Variants in STK24 observed in about 807,000 individuals in gnomAD.
STK24 encodes serine/threonine kinase 24, also known as serine/threonine-protein kinase 24.
Under a neutral mutation model 55.6 loss-of-function variants are expected in STK24, and 21 were observed. The ratio of observed to expected loss-of-function variants is 0.38; its 90% CI spans 0.27 to 0.54. STK24 has a LOEUF of 0.54. Among genes scored for constraint, STK24 ranks in the 20% least tolerant of loss-of-function variants. STK24 has a pLI of 0.79. For missense variants in STK24, 383 were observed against 538.4 expected, an observed-to-expected ratio of 0.71 and a Z score of 2.86; for synonymous variants, 200 against 215.2, an observed-to-expected ratio of 0.93 and a Z score of 0.62.
At chr13:98,496,879 C>G (rs924887036) in intron 2 of STK24, among the ~76,000 whole-genome samples, 1 of 152,154 alleles carries the variant, frequency 6.6e-6, no homozygotes, top group Non-Finnish European at 1.5e-5. Flanking sequence ...AAATCACCAG[C>G]CAAAAACCTA....
intron 2 of STK24, among the ~76,000 whole-genome samples, chr13:98,487,701 AT>A (rs1186574492): frequency 6.6e-6 from 1 of 152,152 alleles, no homozygotes; most frequent in African/African-American, 2.4e-5. Context: ...GGACTTCCTC[AT>A]TTTTTTAACC....
chr13:98,524,488 C>T (rs61969457), intron 1 of STK24, among the ~76,000 whole-genome samples: 26,530 of 152,148 alleles, frequency 0.17, 2,599 homozygotes, highest in Non-Finnish European at 0.22. Context: ...GGGCGAGACA[C>T]GCAGCCTTCC....
chr13:98,472,985 G>A (rs182190214), intron 5 of STK24, among the ~76,000 whole-genome samples: 140 of 151,926 alleles, frequency 9.2e-4, no homozygotes, highest in Middle Eastern at 6.8e-3. Context: ...CTTCTGCCCC[G>A]CCACTCTCTA....
chr13:98,565,586 C>T (rs1294468320), intron 1 of STK24, among the ~76,000 whole-genome samples: 1 of 148,014 alleles, frequency 6.8e-6, no homozygotes, highest in African/African-American at 2.5e-5. Flanking sequence ...GAGCCGAGAT[C>T]GTGCCATTGC....
In STK24 at chr13:98,542,822, C is replaced by A. The variant is rs1391073420; in HGVS notation, c.43-23349G>T. On this transcript the variant is annotated intron_variant, in intron 1 of 10. Coordinates refer to ENST00000539966, the MANE Select transcript of STK24 (RefSeq NM_001032296.4). The stretch of plus-strand genomic sequence containing the variant: ...TTTTACTCTACTTTCTCCATCTACA[C>A]GTCCAAGTACCAACGCTTACCCTGT... 6 of 984,886 alleles carry A rather than the reference C, an allele frequency of 6.1e-6. No individual in the cohort carries two copies. The South Asian group carries it at 2.3e-4, about 39-fold the overall frequency. The allele number at this position is 984,886 out of a possible 1,614,324, so 61.0% of individuals were successfully genotyped here.
chr13:98,506,050 C>A (rs1895668846), intron 2 of STK24, among the ~76,000 whole-genome samples: 1 of 152,198 alleles, frequency 6.6e-6, no homozygotes, highest in South Asian at 2.1e-4. Flanking sequence ...AGCTTACCTA[C>A]AAATTAATTT....
rs533854731 is a variant in STK24 at position 98,489,218 on chromosome 13, G to A, written c.274-6897C>T. Among the ~76,000 whole-genome samples, 5 of 152,306 alleles carry A rather than the reference G, an allele frequency of 3.3e-5. No homozygotes were observed. In the South Asian group the frequency reaches 8.3e-4, roughly 25 times the overall value. ...GCTTCGATGATGATGAAGTGAGGCCGTGTACACAGCAAGACTCATCAACTT... is the reference window on the plus strand; with the variant it reads ...GCTTCGATGATGATGAAGTGAGGCCATGTACACAGCAAGACTCATCAACTT... On this transcript the variant is annotated intron_variant, in intron 2 of 10. Coordinates refer to ENST00000539966, the MANE Select transcript of STK24 (RefSeq NM_001032296.4).
At chr13:98,536,766 G>A (rs1566393026) in intron 1 of STK24, among the ~76,000 whole-genome samples, 1 of 152,068 alleles carries the variant, frequency 6.6e-6, no homozygotes, top group Admixed American at 6.5e-5. Context: ...TGACCTCTCA[G>A]AACGATCTTC....
intron 1 of STK24, among the ~76,000 whole-genome samples, chr13:98,568,031 G>C (rs1161838424): frequency 6.7e-6 from 1 of 150,266 alleles, no homozygotes. Flanking sequence ...GCACAGTCTC[G>C]CTCTGTCGCC....
chr13:98,543,884 C>T (rs1358315895), intron 1 of STK24, among the ~76,000 whole-genome samples: 2 of 152,182 alleles, frequency 1.3e-5, no homozygotes, highest in Admixed American at 6.5e-5. Context: ...ACATGCTATA[C>T]AAAAGAAACT....
chr13:98,503,024 G>GTTTTTTTTTTTTTTTTTTT lies in STK24; in HGVS notation c.273+16218_273+16219insAAAAAAAAAAAAAAAAAAA, dbSNP rs398038978. On this transcript the variant is annotated intron_variant, in intron 2 of 10. Transcript: ENST00000539966. Reference sequence around the variant, plus strand: ...AATATATTAGAAATACTTTCCATGTGTTTTTTTTTTTTTTTTTCAGTATGG... The same window carrying GTTTTTTTTTTTTTTTTTTT: ...AATATATTAGAAATACTTTCCATGTGTTTTTTTTTTTTTTTTTTTTTTTTTTTTTTTTTTTTCAGTATGG... Among the ~76,000 whole-genome samples, 83 of 107,044 alleles carry GTTTTTTTTTTTTTTTTTTT rather than the reference G, an allele frequency of 7.8e-4. 11 individuals are homozygous for GTTTTTTTTTTTTTTTTTTT. Among genetic ancestry groups the GTTTTTTTTTTTTTTTTTTT allele is most frequent in the African/African-American group, 3.0e-3 (76 of 25,016 alleles). The allele number at this position is 107,044 out of a possible 152,430, so 70.2% of individuals were successfully genotyped here.
At chr13:98,567,947 G>C (rs558594256) in intron 1 of STK24, among the ~76,000 whole-genome samples, 3 of 149,994 alleles carry the variant, frequency 2.0e-5, no homozygotes, top group African/African-American at 2.4e-5. Context: ...AAAAAAAGGG[G>C]GGGGGTGGGG....
intron 1 of STK24, among the ~76,000 whole-genome samples, chr13:98,525,679 C>T (rs370700566): frequency 1.3e-5 from 2 of 152,274 alleles, no homozygotes; most frequent in African/African-American, 4.8e-5. Flanking sequence ...TTCCCCTTCC[C>T]GAGCTCACCG....
chr13:98,542,887 T>C, intron 1 of STK24: 1 of 985,376 alleles, frequency 1.0e-6, no homozygotes, highest in Non-Finnish European at 1.2e-6. Flanking sequence ...ACCCCCTCAT[T>C]TCCAAACAAC....
intron 1 of STK24, among the ~76,000 whole-genome samples, chr13:98,536,046 A>C (rs1896724190): frequency 6.6e-6 from 1 of 152,182 alleles, no homozygotes; most frequent in Admixed American, 6.5e-5. Flanking sequence ...AAAATCTTTT[A>C]GCTTTTAGAG....
At chr13:98,564,406 G>A (rs1347237011) in intron 1 of STK24, among the ~76,000 whole-genome samples, 3 of 152,218 alleles carry the variant, frequency 2.0e-5, no homozygotes, top group South Asian at 2.1e-4. Flanking sequence ...GAAGGCAAGC[G>A]GTACTGAGTC....
At chr13:98,556,142 T>C (rs376510499) in intron 1 of STK24, among the ~76,000 whole-genome samples, 3 of 152,100 alleles carry the variant, frequency 2.0e-5, no homozygotes, top group South Asian at 4.2e-4. Flanking sequence ...CCCCGGGGAA[T>C]TGTCAGTCGC....
At chr13:98,492,717 T>C (rs1465181281) in intron 2 of STK24, among the ~76,000 whole-genome samples, 1 of 152,172 alleles carries the variant, frequency 6.6e-6, no homozygotes, top group Non-Finnish European at 1.5e-5. Flanking sequence ...ATTAGTACCA[T>C]GGGGCAGCAA....
At position 98,564,448 on chromosome 13, in the gene STK24, G is replaced by A. The variant is rs184571821; in HGVS notation, c.42+12297C>T. On this transcript the variant is annotated intron_variant, in intron 1 of 10. Transcript: ENST00000539966. ...TCCTGCAGTGGCTGAGCATGGGGAGGGGTAGGTTCAAAGGCCCAGGAACAG... is the reference window on the plus strand; with the variant it reads ...TCCTGCAGTGGCTGAGCATGGGGAGAGGTAGGTTCAAAGGCCCAGGAACAG... Among the ~76,000 whole-genome samples, 5 of 152,294 alleles carry A rather than the reference G, an allele frequency of 3.3e-5. No individual in the cohort carries two copies. In the East Asian group the frequency reaches 7.7e-4, roughly 24 times the overall value.
Sources: gnomAD v4.1 joint callset for allele counts (sites outside exome capture counted in the v4.1 genomes callset) on GRCh38, gnomAD v4.1.1 for gene constraint, MANE v1.5 for transcripts, NCBI Gene and HGNC (gene_info 2026-07-23, HGNC 2026-07-21) for gene names.